The following SYN3 variants were observed in gnomAD, a reference collection of about 807,000 sequenced individuals.
The protein encoded by SYN3 is synapsin-3.
A neutral mutation model predicts 65.8 loss-of-function variants in SYN3; 35 were observed. The observed-to-expected ratio is 0.53, with a 90% CI of 0.41 to 0.70. SYN3 has a LOEUF of 0.70. Among genes scored for constraint, SYN3 ranks in the 30% least tolerant of loss-of-function variants. The pLI, the probability that SYN3 is intolerant of heterozygous loss-of-function variation, is 0.00. For synonymous variants in SYN3, 270 were observed against 292.9 expected (o/e 0.92, Z 0.80); for missense variants, 680 against 749.0 (o/e 0.91, Z 1.08).
At chr22:32,553,572 T>G (rs2058447309) in intron 7 of SYN3, among the ~76,000 whole-genome samples, 1 of 152,196 alleles carries the variant, frequency 6.6e-6, no homozygotes, top group South Asian at 2.1e-4. Flanking sequence ...TCCCAAAGTG[T>G]GCTATGAGAG....
chr22:32,658,701 G>A (rs5754192), intron 6 of SYN3, among the ~76,000 whole-genome samples: 22,583 of 151,970 alleles, frequency 0.15, 2,869 homozygotes, highest in East Asian at 0.68. Context: ...ACATGGGGTC[G>A]GGATGTGTAC....
intron 1 of SYN3, among the ~76,000 whole-genome samples, chr22:33,051,194 G>A (rs149223900): frequency 1.3e-5 from 2 of 152,078 alleles, no homozygotes; most frequent in East Asian, 1.9e-4. Context: ...AAACACCAAG[G>A]ACCACACAAG....
chr22:32,642,203 C>T (rs897142692), intron 6 of SYN3, among the ~76,000 whole-genome samples: 16 of 151,502 alleles, frequency 1.1e-4, no homozygotes, highest in African/African-American at 3.9e-4. Context: ...GCAGGAGAAT[C>T]GCTTGAACCT....
At chr22:32,552,267 A>G (rs1026996279) in intron 7 of SYN3, among the ~76,000 whole-genome samples, 1 of 152,164 alleles carries the variant, frequency 6.6e-6, no homozygotes, top group Non-Finnish European at 1.5e-5. Context: ...ACAAAAAACA[A>G]AAAACTGAAA....
intron 5 of SYN3, among the ~76,000 whole-genome samples, chr22:32,865,914 A>T (rs940006678): frequency 6.6e-6 from 1 of 152,150 alleles, no homozygotes; most frequent in Admixed American, 6.5e-5. Flanking sequence ...AGCAGACGAC[A>T]TAAGAGAAGG....
At chr22:32,948,520 A>G (rs965626147) in intron 3 of SYN3, among the ~76,000 whole-genome samples, 4 of 152,046 alleles carry the variant, frequency 2.6e-5, no homozygotes, top group African/African-American at 9.7e-5. Flanking sequence ...GCAGATCACA[A>G]GGTCAGGAGA....
At chr22:32,874,591 T>G (rs2048935325) in intron 4 of SYN3, among the ~76,000 whole-genome samples, 1 of 152,224 alleles carries the variant, frequency 6.6e-6, no homozygotes, top group Non-Finnish European at 1.5e-5. Context: ...TTGGCTGGAC[T>G]TTGCCTGGGA....
intron 1 of SYN3, among the ~76,000 whole-genome samples, chr22:33,046,049 C>CA (rs1569421931): frequency 6.6e-6 from 1 of 150,966 alleles, no homozygotes; most frequent in Non-Finnish European, 1.5e-5. Flanking sequence ...ACAGACACTT[C>CA]GCCAAAGAGA....
rs866724501 is a variant in SYN3, at chr22:32,611,289, T to G, written c.712-14553A>C. On this transcript the variant is annotated intron_variant, in intron 6 of 13. Coordinates refer to ENST00000358763, the MANE Select transcript of SYN3 (RefSeq NM_003490.4). ...TCAGCTAGAGTTTTTTTTTTGTTTT[T>G]TTTTTTTTTTTTTTTTGTGGGGGGG... is the stretch of plus-strand genomic sequence containing the variant. Among the ~76,000 whole-genome samples the G allele has an allele frequency of 5.7e-3, 561 of 99,150 alleles. 8 individuals are homozygous for G. Among genetic ancestry groups the G allele is most frequent in the African/African-American group, 0.029 (535 of 18,514 alleles). The allele number at this position is 99,150 out of a possible 152,430, so 65.0% of individuals were successfully genotyped here.
chr22:32,609,469 G>C (rs1284601574), intron 6 of SYN3, among the ~76,000 whole-genome samples: 2 of 146,124 alleles, frequency 1.4e-5, no homozygotes, highest in African/African-American at 2.5e-5. Context: ...ATGACATCCT[G>C]CCTGGTGTTT....
At chr22:32,919,414 CA>C (rs2050276066) in intron 4 of SYN3, among the ~76,000 whole-genome samples, 1 of 152,208 alleles carries the variant, frequency 6.6e-6, no homozygotes, top group Non-Finnish European at 1.5e-5. Context: ...CTGTCTATTT[CA>C]TTCACCACTG....
At chr22:32,753,855 A>G (rs1290728648) in intron 6 of SYN3, among the ~76,000 whole-genome samples, 1 of 152,168 alleles carries the variant, frequency 6.6e-6, no homozygotes, top group South Asian at 2.1e-4. Context: ...ACAGAAGCCA[A>G]TGAGAGAGCC....
At chr22:33,015,220 CAA>C (rs1158885870) in intron 1 of SYN3, 1,035 of 100,630 alleles carry the variant, frequency 0.01, no homozygotes, top group South Asian at 0.021. Context: ...GACTCCGTCT[CAA>C]AAAAAAAAAA....
At chr22:32,793,209 T>A (rs996234548) in intron 6 of SYN3, among the ~76,000 whole-genome samples, 2 of 152,230 alleles carry the variant, frequency 1.3e-5, no homozygotes, top group African/African-American at 4.8e-5. Flanking sequence ...TTATCTCTCA[T>A]GGGCCCAGCC....
At chr22:32,960,878 G>A (rs563986976) in intron 3 of SYN3, among the ~76,000 whole-genome samples, 1 of 152,238 alleles carries the variant, frequency 6.6e-6, no homozygotes, top group South Asian at 2.1e-4. Flanking sequence ...TGTAAAAATA[G>A]GGCATAAGGT....
At chr22:32,794,347 A>G (rs1602163080) in intron 6 of SYN3, among the ~76,000 whole-genome samples, 1 of 152,070 alleles carries the variant, frequency 6.6e-6, no homozygotes, top group African/African-American at 2.4e-5. Flanking sequence ...ACAATGAAAT[A>G]CCTCACGGGA....
chr22:32,730,298 G>A (rs927110176), intron 6 of SYN3, among the ~76,000 whole-genome samples: 1 of 152,222 alleles, frequency 6.6e-6, no homozygotes, highest in African/African-American at 2.4e-5. Context: ...GTACCATTAA[G>A]CATGTGCTTT....
At chr22:32,981,240 A>T (rs1039942556) in intron 2 of SYN3, among the ~76,000 whole-genome samples, 1 of 151,718 alleles carries the variant, frequency 6.6e-6, no homozygotes, top group Non-Finnish European at 1.5e-5. Context: ...CTGTCACGTC[A>T]CTTGACCTCT....
intron 2 of SYN3, among the ~76,000 whole-genome samples, 185 bp from the exon 3 acceptor site, chr22:32,980,887 T>G (rs1457218187): frequency 6.6e-6 from 1 of 151,600 alleles, no homozygotes; most frequent in Non-Finnish European, 1.5e-5. Flanking sequence ...GGAGTTTCAC[T>G]CTTGTTGCCT....
Sources: allele counts gnomAD v4.1 joint callset (sites outside exome capture counted in the v4.1 genomes callset), GRCh38; gene constraint gnomAD v4.1.1; transcripts MANE v1.5; gene names NCBI Gene and HGNC (gene_info 2026-07-23, HGNC 2026-07-21).